Variants in LMO3 observed in about 807,000 individuals in gnomAD.
LMO3 encodes the protein LIM domain only 3, also known as LIM domain only protein 3.
LMO3 carries 2 observed loss-of-function variants against 15.8 expected under a neutral mutation model. That is an observed-to-expected ratio of 0.13 (90% CI 0.05 to 0.40). The LOEUF is 0.40. Ranked by LOEUF, LMO3 falls within the 10% of genes least tolerant of loss-of-function variation. The pLI, the probability that LMO3 is intolerant of heterozygous loss-of-function variation, is 0.99. For synonymous variants in LMO3, 62 were observed against 63.8 expected, an observed-to-expected ratio of 0.97 and a Z score of 0.13; for missense variants, 86 against 182.2, an observed-to-expected ratio of 0.47 and a Z score of 3.04.
At chr12:16,552,668 T>C (rs557765564) in intron 3 of LMO3, among the ~76,000 whole-genome samples, 5 of 152,174 alleles carry the variant, frequency 3.3e-5, no homozygotes, top group African/African-American at 1.2e-4. Flanking sequence ...TTACTTTTTT[T>C]CCCCAGGATT....
chr12:16,581,611 A>G (rs1484036682), intron 2 of LMO3, among the ~76,000 whole-genome samples: 1 of 152,206 alleles, frequency 6.6e-6, no homozygotes, highest in Non-Finnish European at 1.5e-5. Context: ...TTCTTTCACA[A>G]TGTTAAAACA....
chr12:16,600,291 C>CAAAAAAAAAAAAA (rs35993210), intron 2 of LMO3: 3 of 69,682 alleles, frequency 4.3e-5, no homozygotes, highest in Non-Finnish European at 5.3e-5. Context: ...CCTTAAGCTC[C>CAAAAAAAAAAAAA]AAAAAAAAAA....
In LMO3 at chr12:16,549,306, ATTTC is replaced by A. The variant is rs887387670; in HGVS notation, c.*1912_*1915del. On this transcript the variant is annotated 3_prime_UTR_variant, in exon 4 of 4. Coordinates refer to ENST00000537304, the MANE Select transcript of LMO3 (RefSeq NM_018640.5). ...GTGGGCCCCAAATAGCTACTTTTGA[ATTTC>A]TTTCTTTAGTATATCTCAAATCTGG... 3 of 152,104 alleles carry A rather than the reference ATTTC, an allele frequency of 2.0e-5. No individual in the cohort carries two copies. The highest frequency in any genetic ancestry group is 7.2e-5 in the African/African-American group (3 of 41,416). 9.4% of individuals were successfully genotyped at this position (152,104 alleles called of 1,614,324 possible).
At chr12:16,594,215 T>A (rs1231345634) in intron 2 of LMO3, 1 of 1,532,792 alleles carries the variant, frequency 6.5e-7, no homozygotes, top group Admixed American at 2.0e-5. Flanking sequence ...GATTCCAATC[T>A]CTGTATGTGC....
chr12:16,595,772 G>C (rs1172560852), intron 2 of LMO3, among the ~76,000 whole-genome samples: 1 of 151,314 alleles, frequency 6.6e-6, no homozygotes, highest in Non-Finnish European at 1.5e-5. Flanking sequence ...CAATAATATG[G>C]TGTTTAAAAG....
At chr12:16,564,148 T>TATCTA (rs1313754202) in intron 2 of LMO3, among the ~76,000 whole-genome samples, 1 of 152,206 alleles carries the variant, frequency 6.6e-6, no homozygotes, top group Non-Finnish European at 1.5e-5. Flanking sequence ...TCATTTTGTC[T>TATCTA]ATCTAAAAAC....
upstream of LMO3, chr12:16,606,634 C>T (rs1944012462): frequency 6.6e-6 from 1 of 152,040 alleles, no homozygotes; most frequent in Non-Finnish European, 1.5e-5. Context: ...GTACAGCCGC[C>T]CTCGGAAAGT....
rs1943681199 is a variant in LMO3, at chr12:16,597,046, G to A, written c.206+3609C>T. ...TGTTAGAGGAAGTTTTAAAAAGTCA[G>A]TCCTTCTCTTTCTTTAGCTAATGAG... On this transcript the variant is annotated intron_variant, in intron 2 of 3. Transcript: ENST00000537304. This position sits in a 1 kb window ranked among gnomAD's most constrained non-coding sequence, Gnocchi z 5.0. Among the ~76,000 whole-genome samples, 1 of 151,762 alleles carries A rather than the reference G, an allele frequency of 6.6e-6. No individual in the cohort carries two copies. The highest frequency in any genetic ancestry group is 1.5e-5 in the Non-Finnish European group (1 of 67,724).
At chr12:16,581,327 T>G (rs972152898) in intron 2 of LMO3, among the ~76,000 whole-genome samples, 3 of 152,314 alleles carry the variant, frequency 2.0e-5, no homozygotes, top group Admixed American at 1.3e-4. Flanking sequence ...ACTAAATGAC[T>G]TAATTACCCT....
chr12:16,592,372 T>C (rs781257227), intron 2 of LMO3, among the ~76,000 whole-genome samples: 1 of 152,044 alleles, frequency 6.6e-6, no homozygotes, highest in Non-Finnish European at 1.5e-5. Flanking sequence ...TACTGGCTTA[T>C]AAATTTGAAG....
At chr12:16,565,697 GTTAAGA>G (rs1484887287) in intron 2 of LMO3, among the ~76,000 whole-genome samples, 1 of 151,768 alleles carries the variant, frequency 6.6e-6, no homozygotes, top group Non-Finnish European at 1.5e-5. Context: ...TTTTCCTGAA[GTTAAGA>G]TTAAAAGGCT....
intron 2 of LMO3, among the ~76,000 whole-genome samples, chr12:16,580,740 TTAG>T (rs1379492002): frequency 6.6e-6 from 1 of 152,076 alleles, no homozygotes; most frequent in Non-Finnish European, 1.5e-5. Flanking sequence ...AGAGCAAACA[TTAG>T]TAGGTTCTGG....
At chr12:16,556,024 G>A (rs1003059228) in intron 3 of LMO3, among the ~76,000 whole-genome samples, 4 of 151,814 alleles carry the variant, frequency 2.6e-5, no homozygotes, top group Non-Finnish European at 5.9e-5. Context: ...TGTCTCTCCC[G>A]TAGCTCCGGA....
At chr12:16,600,005 G>A (rs906085319) in intron 2 of LMO3, 2 of 151,916 alleles carry the variant, frequency 1.3e-5, no homozygotes, top group Non-Finnish European at 1.5e-5. Flanking sequence ...GGGGCGAGAG[G>A]AAGATGTATC....
At chr12:16,568,012 T>A (rs928359500) in intron 2 of LMO3, among the ~76,000 whole-genome samples, 9 of 152,138 alleles carry the variant, frequency 5.9e-5, no homozygotes, top group Non-Finnish European at 1.2e-4. Flanking sequence ...AGAAAGAATA[T>A]TTAACTGTTT....
At position 16,549,238 on chromosome 12, in the gene LMO3, G is replaced by A. The variant is rs566516377; in HGVS notation, c.*1984C>T. The A allele has an allele frequency of 5.9e-5, 9 of 152,184 alleles. No individual in the cohort carries two copies. Among genetic ancestry groups the A allele is most frequent in the African/African-American group, 2.2e-4 (9 of 41,520 alleles). The allele number at this position is 152,184 out of a possible 1,614,324, so 9.4% of individuals were successfully genotyped here. A position where few individuals can be genotyped will look rare whatever the true frequency, so the allele number is the denominator to read the frequency against. ...GGTTATGCAAGTCCTTTCTCTTCAT[G>A]AAACAAGTGTAAGGCTCTAAGGCTA... On this transcript the variant is annotated 3_prime_UTR_variant, in exon 4 of 4. Coordinates refer to ENST00000537304, the MANE Select transcript of LMO3 (RefSeq NM_018640.5).
chr12:16,579,776 G>C lies in LMO3; in HGVS notation c.207-19238C>G, dbSNP rs144653378. Among the ~76,000 whole-genome samples the C allele has an allele frequency of 3.9e-5, 6 of 152,278 alleles. No homozygotes were observed. In the East Asian group the frequency reaches 1.2e-3, roughly 29 times the overall value. On this transcript the variant is annotated intron_variant, in intron 2 of 3. Transcript: ENST00000537304. The stretch of plus-strand genomic sequence containing the variant: ...AGAATGACCAATAGATTCAGTGGCC[G>C]AGTGAATGCGATACTTTACAGAAAA...
Position 16,596,990 on chromosome 12 carries a change from T to A in LMO3, c.206+3665A>T, listed in dbSNP as rs1943679314. ...GTCTGCCTGGCATATAAATATTGAC[T>A]GGGTAGATTTCATAATTTCAGTCAG... On this transcript the variant is annotated intron_variant, in intron 2 of 3. Transcript: ENST00000537304. This position sits in a 1 kb window ranked among gnomAD's most constrained non-coding sequence, Gnocchi z 4.3. Among the ~76,000 whole-genome samples the A allele has an allele frequency of 1.3e-5, 2 of 151,752 alleles. No individual in the cohort carries two copies. Among genetic ancestry groups the A allele is most frequent in the African/African-American group, 4.8e-5 (2 of 41,420 alleles).
In LMO3 at chr12:16,548,680, A is replaced by G. The variant is rs1941877766; in HGVS notation, c.*2542T>C. ...AACACAAAGGGGAAAGTTGACAACAATTCAGGGGCTTTGAGTAGTCAAGAC... is the reference window on the plus strand; with the variant it reads ...AACACAAAGGGGAAAGTTGACAACAGTTCAGGGGCTTTGAGTAGTCAAGAC... On this transcript the variant is annotated 3_prime_UTR_variant, in exon 4 of 4. Coordinates refer to ENST00000537304, the MANE Select transcript of LMO3 (RefSeq NM_018640.5). This position sits in a 1 kb window ranked among gnomAD's most constrained non-coding sequence, Gnocchi z 4.2. The G allele has an allele frequency of 6.6e-6, 1 of 152,172 alleles. No individual in the cohort carries two copies. Among genetic ancestry groups the G allele is most frequent in the African/African-American group, 2.4e-5 (1 of 41,444 alleles). 9.4% of individuals were successfully genotyped at this position (152,172 alleles called of 1,614,324 possible). A position where few individuals can be genotyped will look rare whatever the true frequency, so the allele number is the denominator to read the frequency against.
Sources: gnomAD v4.1 joint callset for allele counts (sites outside exome capture counted in the v4.1 genomes callset) on GRCh38, gnomAD v4.1.1 for gene constraint, Gnocchi (gnomAD v3.1) non-coding constraint, MANE v1.5 for transcripts, NCBI Gene and HGNC (gene_info 2026-07-23, HGNC 2026-07-21) for gene names.